ERBB4: variants seen among roughly 807,000 people sequenced by gnomAD.
ERBB4 encodes the protein receptor tyrosine-protein kinase erbB-4.
A neutral mutation model predicts 158.0 loss-of-function variants in ERBB4; 42 were observed. That is an observed-to-expected ratio of 0.27 (90% confidence interval 0.21 to 0.34). The LOEUF is 0.34. ERBB4 is among the 10% of genes least tolerant of loss of function. The pLI is 1.00. For synonymous variants in ERBB4, 583 were observed against 558.7 expected (o/e 1.04, Z -0.61); for missense variants, 1,333 against 1,624.1 (o/e 0.82, Z 3.08).
chr2:212,499,394 G>A (rs1690757859), intron 1 of ERBB4, among the ~76,000 whole-genome samples: 1 of 152,002 alleles, frequency 6.6e-6, no homozygotes, highest in South Asian at 2.1e-4. Flanking sequence ...TGAAATTGAG[G>A]CAGAATGTTT....
At chr2:211,944,136 C>A in intron 3 of ERBB4, among the ~76,000 whole-genome samples, 1 of 134,790 alleles carries the variant, frequency 7.4e-6, no homozygotes, top group Non-Finnish European at 1.6e-5. Context: ...TATATATGTA[C>A]ACTATACATA....
At chr2:212,003,322 T>TTAA (rs2076182788) in intron 2 of ERBB4, among the ~76,000 whole-genome samples, 1 of 130,252 alleles carries the variant, frequency 7.7e-6, no homozygotes, top group African/African-American at 2.8e-5. Flanking sequence ...AGCTGAATGG[T>TTAA]AAAAAAAAAA....
intron 2 of ERBB4, among the ~76,000 whole-genome samples, chr2:212,101,907 G>A (rs6730882): frequency 1.3e-5 from 2 of 150,878 alleles, no homozygotes; most frequent in Non-Finnish European, 3.0e-5. Flanking sequence ...GTTTTGCTTG[G>A]GGGGGTACAT....
At chr2:212,217,362 A>G (rs549555296) in intron 1 of ERBB4, among the ~76,000 whole-genome samples, 1 of 151,518 alleles carries the variant, frequency 6.6e-6, no homozygotes, top group Admixed American at 6.6e-5. Flanking sequence ...TTTAACCCTT[A>G]AAACTGAGGT....
chr2:211,941,062 A>G (rs1344921815), intron 3 of ERBB4, among the ~76,000 whole-genome samples: 2 of 152,154 alleles, frequency 1.3e-5, no homozygotes, highest in Admixed American at 1.3e-4. Flanking sequence ...TGACATGACA[A>G]GCAAACAATA....
intron 1 of ERBB4, among the ~76,000 whole-genome samples, chr2:212,482,839 G>T (rs1278244355): frequency 6.6e-6 from 1 of 152,122 alleles, no homozygotes; most frequent in Non-Finnish European, 1.5e-5. Flanking sequence ...GGCCAGGATG[G>T]CCTCGATCTC....
intron 20 of ERBB4, among the ~76,000 whole-genome samples, chr2:211,543,745 C>T (rs933293038): frequency 6.6e-6 from 1 of 150,976 alleles, no homozygotes; most frequent in Non-Finnish European, 1.5e-5. Context: ...ATGGAAATGT[C>T]GACAGACTCT....
chr2:211,410,726 G>A (rs1259568242), intron 25 of ERBB4, among the ~76,000 whole-genome samples: 3 of 152,082 alleles, frequency 2.0e-5, no homozygotes, highest in Non-Finnish European at 2.9e-5. Flanking sequence ...GTTCAATTTT[G>A]TTTGTAATTC....
chr2:212,392,090 T>C (rs1035841038), intron 1 of ERBB4, among the ~76,000 whole-genome samples: 3 of 151,636 alleles, frequency 2.0e-5, no homozygotes, highest in Admixed American at 6.6e-5. Context: ...AAAATGAATA[T>C]AAAAAGAAGG....
chr2:212,015,041 AATATAT>A (rs58361195), intron 2 of ERBB4, among the ~76,000 whole-genome samples: 7 of 9,220 alleles, frequency 7.6e-4, no homozygotes, highest in African/African-American at 1.3e-3. Context: ...AAAAAAAAAA[AATATAT>A]ATATATATAT....
At chr2:211,955,812 C>T (rs2081011776) in intron 2 of ERBB4, among the ~76,000 whole-genome samples, 1 of 152,052 alleles carries the variant, frequency 6.6e-6, no homozygotes, top group Non-Finnish European at 1.5e-5. Flanking sequence ...GGGTAGGAAT[C>T]CCTGAACTAC....
At chr2:212,445,727 G>T (rs2092336048) in intron 1 of ERBB4, among the ~76,000 whole-genome samples, 1 of 152,162 alleles carries the variant, frequency 6.6e-6, no homozygotes, top group Non-Finnish European at 1.5e-5. Context: ...AAATGGTCCA[G>T]ACCCCGCAGG....
chr2:211,751,146 T>C (rs2075120664), intron 4 of ERBB4, among the ~76,000 whole-genome samples: 1 of 152,200 alleles, frequency 6.6e-6, no homozygotes, highest in South Asian at 2.1e-4. Context: ...AGAACAAGAA[T>C]ATATTTTTAC....
At chr2:211,386,097 A>G (rs2062678888) in intron 27 of ERBB4, among the ~76,000 whole-genome samples, 1 of 152,208 alleles carries the variant, frequency 6.6e-6, no homozygotes, top group Non-Finnish European at 1.5e-5. Context: ...AAAGACTGCG[A>G]GAGACATGAT....
Position 212,356,472 on chromosome 2 carries a change from T to C in ERBB4, c.82+181977A>G, listed in dbSNP as rs574420661. ...AATGGCATAATTTGTTTTTCTCAGCTACTCCTCCTCCTCCCAATGGCAAAT... is the reference window on the plus strand; with the variant it reads ...AATGGCATAATTTGTTTTTCTCAGCCACTCCTCCTCCTCCCAATGGCAAAT... On this transcript the variant is annotated intron_variant, in intron 1 of 27. Transcript: ENST00000342788. Among the ~76,000 whole-genome samples the C allele has an allele frequency of 2.5e-4, 38 of 152,104 alleles. No homozygotes were observed. In the South Asian group the frequency reaches 7.2e-3, roughly 29 times the overall value.
intron 2 of ERBB4, among the ~76,000 whole-genome samples, chr2:211,994,909 C>T (rs979362485): frequency 9.2e-5 from 14 of 152,192 alleles, no homozygotes; most frequent in African/African-American, 2.2e-4. Flanking sequence ...AGAACCTGAA[C>T]ATCTAAAATT....
chr2:211,447,340 G>C (rs2064136521), intron 20 of ERBB4, among the ~76,000 whole-genome samples: 1 of 151,816 alleles, frequency 6.6e-6, no homozygotes, highest in African/African-American at 2.4e-5. Flanking sequence ...AAAACAGCAA[G>C]CATCCCCAGC....
intron 1 of ERBB4, among the ~76,000 whole-genome samples, chr2:212,243,014 C>T (rs1340833687): frequency 6.6e-6 from 1 of 152,160 alleles, no homozygotes; most frequent in East Asian, 1.9e-4. Flanking sequence ...TGCCACCTCT[C>T]ATTGTCTCTT....
intron 2 of ERBB4, among the ~76,000 whole-genome samples, chr2:212,081,949 T>G (rs921906264): frequency 6.6e-6 from 1 of 152,120 alleles, no homozygotes; most frequent in African/African-American, 2.4e-5. Flanking sequence ...GTCATTTGCT[T>G]ATGAGACTTA....
Sources: gnomAD v4.1 joint callset for allele counts (sites outside exome capture counted in the v4.1 genomes callset) on GRCh38, gnomAD v4.1.1 for gene constraint, MANE v1.5 for transcripts, NCBI Gene and HGNC (gene_info 2026-07-23, HGNC 2026-07-21) for gene names.